LRRC49: variants seen among roughly 807,000 people sequenced by gnomAD.
LRRC49 encodes the protein leucine-rich repeat-containing protein 49.
Under a neutral mutation model 83.3 loss-of-function variants are expected in LRRC49, and 50 were observed. The observed-to-expected ratio is 0.60, with a 90% CI of 0.48 to 0.76. The LOEUF (loss-of-function observed/expected upper bound fraction) is 0.76, where lower values mean the gene tolerates loss of function less well. Ranked by LOEUF, LRRC49 falls within the 30% of genes least tolerant of loss-of-function variation. The pLI is 0.00. For synonymous variants in LRRC49, 286 were observed against 283.3 expected (o/e 1.01, Z -0.10); for missense variants, 704 against 809.1 (o/e 0.87, Z 1.58).
At chr15:70,972,143 A>T (rs2037027816) in intron 9 of LRRC49, among the ~76,000 whole-genome samples, 1 of 151,968 alleles carries the variant, frequency 6.6e-6, no homozygotes, top group African/African-American at 2.4e-5. Flanking sequence ...TTCCATATTT[A>T]GTGCTTCCTT....
chr15:70,866,830 T>G (rs574461064), intron 1 of LRRC49, among the ~76,000 whole-genome samples: 32 of 151,962 alleles, frequency 2.1e-4, no homozygotes, highest in Non-Finnish European at 4.4e-4. Context: ...TGCCTTATTC[T>G]CCAGATTTGA....
intron 14 of LRRC49, among the ~76,000 whole-genome samples, chr15:71,024,279 G>A (rs1761877316): frequency 6.6e-6 from 1 of 152,210 alleles, no homozygotes; most frequent in Non-Finnish European, 1.5e-5. Flanking sequence ...TTAAGCGGGT[G>A]CTGGATCCCA....
intron 11 of LRRC49, among the ~76,000 whole-genome samples, chr15:71,004,340 A>G (rs1330917054): frequency 6.6e-6 from 1 of 152,204 alleles, no homozygotes; most frequent in African/African-American, 2.4e-5. Flanking sequence ...TTGCAGCACT[A>G]TTCACAATAG....
At chr15:70,954,656 A>T (rs75725881) in intron 8 of LRRC49, among the ~76,000 whole-genome samples, 3,549 of 151,984 alleles carry the variant, frequency 0.023, 144 homozygotes, top group African/African-American at 0.081. Context: ...TGTAAGCTGG[A>T]TATAGTTGAA....
At chr15:71,019,802 C>G (rs2038938751) in intron 14 of LRRC49, among the ~76,000 whole-genome samples, 1 of 152,166 alleles carries the variant, frequency 6.6e-6, no homozygotes, top group African/African-American at 2.4e-5. Flanking sequence ...ATCACTGTCT[C>G]TAAATATCTG....
rs530523455 is a variant in LRRC49, at chr15:70,906,192, G to A, written c.500+1437G>A. On this transcript the variant is annotated intron_variant, in intron 5 of 15. Coordinates refer to ENST00000260382, the MANE Select transcript of LRRC49 (RefSeq NM_017691.5). ...GCTCACTGCAACCTCTGCCTCCCGG[G>A]TTCAAGTGATTGTCCTGCCTCAGCC... 4.2e-3 allele frequency among the ~76,000 whole-genome samples: 633 copies of A among 151,722 alleles called. 7 individuals are homozygous for A. Among genetic ancestry groups the A allele is most frequent in the Non-Finnish European group, 6.7e-3 (454 of 67,886 alleles).
At chr15:70,868,831 T>C (rs1405288920) in intron 1 of LRRC49, among the ~76,000 whole-genome samples, 1 of 152,260 alleles carries the variant, frequency 6.6e-6, no homozygotes, top group Non-Finnish European at 1.5e-5. Flanking sequence ...TAAGATGAGA[T>C]AATCCCATCT....
chr15:70,853,770 G>T, intron 1 of LRRC49: 1 of 730,192 alleles, frequency 1.4e-6, no homozygotes, highest in Non-Finnish European at 1.8e-6. Flanking sequence ...CTTCCCCGGC[G>T]GCGGGGCTGA....
intron 14 of LRRC49, among the ~76,000 whole-genome samples, chr15:71,021,109 G>A (rs1039591230): frequency 2.5e-4 from 38 of 152,162 alleles, no homozygotes; most frequent in Non-Finnish European, 2.1e-4. Flanking sequence ...GTTGGGCCAC[G>A]TTCAAAGCCA....
chr15:70,927,522 C>A (rs1430522292), intron 7 of LRRC49, among the ~76,000 whole-genome samples: 1 of 152,072 alleles, frequency 6.6e-6, no homozygotes, highest in Non-Finnish European at 1.5e-5. Context: ...TTGTTATTAT[C>A]TTTTGTGTTC....
Position 70,999,807 on chromosome 15 carries a change from A to G in LRRC49, c.1170-8572A>G, listed in dbSNP as rs184688296. On this transcript the variant is annotated intron_variant, in intron 11 of 15. Coordinates refer to ENST00000260382, the MANE Select transcript of LRRC49 (RefSeq NM_017691.5). Reference sequence around the variant, plus strand: ...CTGTCTGTTGCTTGCTGCAGCTACTATCCTTTGTCCAATGTGGTGGCAGCT... The same window carrying G: ...CTGTCTGTTGCTTGCTGCAGCTACTGTCCTTTGTCCAATGTGGTGGCAGCT... 4.4e-4 allele frequency among the ~76,000 whole-genome samples: 67 copies of G among 152,208 alleles called. 1 individual carries two copies. Among genetic ancestry groups the G allele is most frequent in the South Asian group, 1.0e-3 (5 of 4,816 alleles).
chr15:70,904,182 C>T lies in LRRC49; in HGVS notation c.297-370C>T, dbSNP rs181262608. ...TAATCGTTACATCGGTGGATTGATG[C>T]CAAGGGCATTTGTCTGGTTATGTGA... On this transcript the variant is annotated intron_variant, in intron 4 of 15. Transcript: ENST00000260382. Among the ~76,000 whole-genome samples the T allele has an allele frequency of 3.6e-3, 545 of 152,168 alleles. 1 individual carries two copies. The highest frequency in any genetic ancestry group is 6.5e-3 in the Non-Finnish European group (442 of 67,976).
At chr15:71,037,458 A>G (rs2039559712) in intron 15 of LRRC49, 126 bp downstream of exon 15, 4 of 764,864 alleles carry the variant, frequency 5.2e-6, no homozygotes, top group Middle Eastern at 3.5e-4. Context: ...TGTCAACCTT[A>G]TATTACAAAG....
At chr15:70,891,942 TGTCCAGGCGGCCTGCTTG>T (rs908376991), upstream of LRRC49, 11 of 1,613,560 alleles carry the variant, frequency 6.8e-6, no homozygotes, top group Middle Eastern at 1.6e-4. Context: ...TCTCCTCGCG[TGTCCAGGCGGCCTGCTTG>T]GTCTCCCTCC....
chr15:70,880,261 ATCT>A (rs2033236598), intron 2 of LRRC49, among the ~76,000 whole-genome samples: 1 of 152,190 alleles, frequency 6.6e-6, no homozygotes, highest in East Asian at 1.9e-4. Flanking sequence ...CTCAATTAAC[ATCT>A]TCTCCTACTT....
chr15:70,914,548 G>A (rs1278120646), intron 6 of LRRC49, among the ~76,000 whole-genome samples: 1 of 152,130 alleles, frequency 6.6e-6, no homozygotes, highest in African/African-American at 2.4e-5. Flanking sequence ...ATGAACTAAA[G>A]TAGTAGCAAT....
At chr15:70,973,022 T>G (rs1274920346) in intron 9 of LRRC49, among the ~76,000 whole-genome samples, 1 of 152,128 alleles carries the variant, frequency 6.6e-6, no homozygotes, top group African/African-American at 2.4e-5. Context: ...CCAGTTTTGT[T>G]CCCTTGCTGG....
chr15:71,010,230 CTGT>C (rs1382006853), intron 13 of LRRC49, among the ~76,000 whole-genome samples: 1 of 151,776 alleles, frequency 6.6e-6, no homozygotes, highest in Non-Finnish European at 1.5e-5. Context: ...AATACTTATA[CTGT>C]TGTTTGTAAG....
chr15:70,900,553 G>A (rs1892693924), intron 3 of LRRC49: 2 of 457,304 alleles, frequency 4.4e-6, no homozygotes, highest in Non-Finnish European at 8.8e-6. Context: ...ATCCAGCAGG[G>A]CTGTCATAGT....
Sources: gnomAD v4.1 joint callset for allele counts (sites outside exome capture counted in the v4.1 genomes callset) on GRCh38, gnomAD v4.1.1 for gene constraint, MANE v1.5 for transcripts, NCBI Gene and HGNC (gene_info 2026-07-23, HGNC 2026-07-21) for gene names.